The following PIKFYVE variants were observed in gnomAD, a reference collection of about 807,000 sequenced individuals.
PIKFYVE encodes phosphoinositide kinase, FYVE-type zinc finger containing.
A neutral mutation model predicts 257.9 loss-of-function variants in PIKFYVE; 122 were observed. The observed-to-expected ratio is 0.47, with a 90% CI of 0.41 to 0.55. The LOEUF is 0.55. PIKFYVE is among the 20% of genes least tolerant of loss of function. The pLI is 0.00. For synonymous variants in PIKFYVE, 892 were observed against 868.9 expected (o/e 1.03, Z -0.47); for missense variants, 2,160 against 2,536.6 (o/e 0.85, Z 3.19).
At chr2:208,291,521 T>A (rs1241884411) in intron 7 of PIKFYVE, among the ~76,000 whole-genome samples, 1 of 152,122 alleles carries the variant, frequency 6.6e-6, no homozygotes, top group African/African-American at 2.4e-5. Flanking sequence ...TGATTCTATC[T>A]TCAGGAAAAT....
intron 12 of PIKFYVE, among the ~76,000 whole-genome samples, chr2:208,311,760 T>C (rs1434174963): frequency 6.6e-6 from 1 of 152,178 alleles, no homozygotes; most frequent in African/African-American, 2.4e-5. Flanking sequence ...ATTAATTTGT[T>C]TTATAGCTTA....
intron 28 of PIKFYVE, among the ~76,000 whole-genome samples, chr2:208,337,906 A>T (rs1698316490): frequency 6.6e-6 from 1 of 152,028 alleles, no homozygotes; most frequent in Non-Finnish European, 1.5e-5. Flanking sequence ...TATTTTTAGT[A>T]GAGATGGGGT....
At chr2:208,322,908 A>G (rs1696445561) in intron 17 of PIKFYVE, among the ~76,000 whole-genome samples, 1 of 123,374 alleles carries the variant, frequency 8.1e-6, no homozygotes, top group South Asian at 2.6e-4. Context: ...AGGTGTTCTC[A>G]ATGTTGAATT....
At chr2:208,271,044 A>G (rs1689358924) in intron 1 of PIKFYVE, among the ~76,000 whole-genome samples, 1 of 152,064 alleles carries the variant, frequency 6.6e-6, no homozygotes. Context: ...TCCAAAAAAA[A>G]AAAAAAAAAG....
intron 32 of PIKFYVE, among the ~76,000 whole-genome samples, chr2:208,344,633 T>G (rs1391602986): frequency 3.3e-5 from 5 of 152,052 alleles, no homozygotes; most frequent in African/African-American, 1.2e-4. Context: ...TGCATGACAT[T>G]TATCTAAAGC....
In PIKFYVE at chr2:208,276,757, G is replaced by A. The variant is rs752955905; in HGVS notation, c.368G>A (p.Arg123His). 6.8e-6 allele frequency: 11 copies of A among 1,613,480 alleles called. No individual in the cohort carries two copies. Among genetic ancestry groups the A allele is most frequent in the East Asian group, 2.2e-5 (1 of 44,888 alleles). Residue 123 changes from arginine (R) to histidine (H), a missense_variant, in exon 4 of 42, where the codon CGT (arginine) becomes CAT (histidine). Transcript: ENST00000264380. ...AEPTFGGHDP[R>H]TAVQLRSLST... ...CCTACCTTTGGAGGTCATGACCCTC[G>A]TACAGCTGTTCAGCTTCGAAGCCTC... is the stretch of plus-strand genomic sequence containing the variant.
chr2:208,354,067 A>G lies in PIKFYVE; in HGVS notation c.6014A>G (p.Asp2005Gly), dbSNP rs1700005186. 2 of 1,613,772 alleles carry G rather than the reference A, an allele frequency of 1.2e-6. No homozygotes were observed. The highest frequency in any genetic ancestry group is 1.7e-6 in the Non-Finnish European group (2 of 1,179,930). ...KAVLRTSIHS[D>G]SHFLSSHLII... ...GTGCTGAGAACCTCGATCCATAGTG[A>G]CTCCCATTTCCTTTCTAGCCACCTC... The change falls in exon 40 of 42, where the codon GAC becomes GGC. Residue 2005 changes from aspartate (D) to glycine (G), a missense_variant. By Grantham distance (94) the Asp-to-Gly change is moderately conservative. Around this residue, in one of 12 missense-constraint regions of PIKFYVE, gnomAD observed 699 missense variants for 855.8 expected, o/e 0.82. Transcript: ENST00000264380.
Position 208,324,905 on chromosome 2 carries a change from T to C in PIKFYVE, c.2332-6T>C. The C allele has an allele frequency of 1.9e-6, 3 of 1,613,702 alleles. No individual in the cohort carries two copies. Among genetic ancestry groups the C allele is most frequent in the Non-Finnish European group, 2.5e-6 (3 of 1,179,636 alleles). On this transcript the variant is annotated splice_region_variant and splice_polypyrimidine_tract_variant and intron_variant, in intron 18 of 41. Coordinates refer to ENST00000264380, the MANE Select transcript of PIKFYVE (RefSeq NM_015040.4). Reference sequence around the variant, plus strand: ...TTTTGTAATACAATGTTTTTCTGTTTTGTAGCAAGTTTTGGAACGAATCAG... The same window carrying C: ...TTTTGTAATACAATGTTTTTCTGTTCTGTAGCAAGTTTTGGAACGAATCAG...
rs940116744 is a variant in PIKFYVE, at chr2:208,354,043, T to C, written c.5990T>C (p.Val1997Ala). 3.7e-6 allele frequency: 6 copies of C among 1,613,986 alleles called. No homozygotes were observed. The highest frequency in any genetic ancestry group is 5.1e-6 in the Non-Finnish European group (6 of 1,179,978). Residue 1997 changes from valine (V) to alanine (A), a missense_variant, in exon 40 of 42, where the codon GTG becomes GCG. Transcript: ENST00000264380. The part of the protein sequence containing the change: ...PLYIRSHSKA[V>A]LRTSIHSDSH... ...TATATTCGTTCTCATTCCAAAGCTG[T>C]GCTGAGAACCTCGATCCATAGTGAC...
At chr2:208,284,922 A>G (rs1465127143) in intron 5 of PIKFYVE, among the ~76,000 whole-genome samples, 4 of 151,864 alleles carry the variant, frequency 2.6e-5, no homozygotes, top group African/African-American at 7.3e-5. Context: ...TCCCGCCCTC[A>G]AGCAGTCCTT....
At chr2:208,346,460 G>T (rs2043719) in intron 34 of PIKFYVE, among the ~76,000 whole-genome samples, 4 of 152,218 alleles carry the variant, frequency 2.6e-5, no homozygotes, top group Non-Finnish European at 5.9e-5. Context: ...TGCAAGATAC[G>T]TTTTTTTCCT....
chr2:208,297,484 A>G (rs924388725), intron 7 of PIKFYVE, among the ~76,000 whole-genome samples: 1 of 152,180 alleles, frequency 6.6e-6, no homozygotes, highest in Admixed American at 6.5e-5. Context: ...AAATATTTTT[A>G]TCTTTATACT....
At chr2:208,312,327 T>G in intron 13 of PIKFYVE, 32 bp downstream of exon 13, 2 of 1,537,480 alleles carry the variant, frequency 1.3e-6, no homozygotes, top group African/African-American at 2.7e-5. Flanking sequence ...TGTGGAATGG[T>G]GTCTCTTTTT....
At chr2:208,320,181 A>G (rs1696048650) in intron 16 of PIKFYVE, 71 bp from the exon 17 acceptor site, 2 of 1,551,138 alleles carry the variant, frequency 1.3e-6, no homozygotes, top group Non-Finnish European at 1.7e-6. Flanking sequence ...TATAGATTTA[A>G]AGTTATAATT....
intron 12 of PIKFYVE, among the ~76,000 whole-genome samples, chr2:208,309,069 A>T (rs75457882): frequency 0.015 from 2,222 of 152,270 alleles, 65 homozygotes; most frequent in African/African-American, 0.051. Flanking sequence ...AGGATAATTA[A>T]TAATTTGATG....
intron 15 of PIKFYVE, 38 bp from the exon 16 acceptor site, chr2:208,317,829 A>G: frequency 6.6e-7 from 1 of 1,518,020 alleles, no homozygotes; most frequent in Non-Finnish European, 9.2e-7. Context: ...TAAGCATGTT[A>G]TCATTGAATT....
In PIKFYVE at chr2:208,273,740, CAG is replaced by C; in HGVS notation, c.322+8_322+9del. ...CGGCGCTCTTCAGCATTAGGTAAAA[CAG>C]TGTTCTTATTTCATTCCCTTCTATA... is the stretch of plus-strand genomic sequence containing the variant. On this transcript the variant is annotated splice_region_variant and intron_variant, in intron 3 of 41. Coordinates refer to ENST00000264380, the MANE Select transcript of PIKFYVE (RefSeq NM_015040.4). 2 of 1,614,064 alleles carry C rather than the reference CAG, an allele frequency of 1.2e-6. No homozygotes were observed. The highest frequency in any genetic ancestry group is 1.7e-6 in the Non-Finnish European group (2 of 1,179,896).
chr2:208,315,402 T>C (rs1169719185), intron 15 of PIKFYVE, 29 bp downstream of exon 15: 2 of 1,610,412 alleles, frequency 1.2e-6, no homozygotes, highest in Non-Finnish European at 1.7e-6. Flanking sequence ...TTACTAATGC[T>C]AGGAACTGAT....
chr2:208,303,576 T>C (rs949361154), intron 10 of PIKFYVE, among the ~76,000 whole-genome samples: 5 of 152,220 alleles, frequency 3.3e-5, no homozygotes, highest in African/African-American at 1.2e-4. Flanking sequence ...AACGTCTTCA[T>C]CCTCGTTTCG....
Sources: allele counts gnomAD v4.1 joint callset (sites outside exome capture counted in the v4.1 genomes callset), GRCh38; gene constraint gnomAD v4.1.1; regional missense constraint gnomAD v4.1.1; transcripts MANE v1.5; gene names NCBI Gene and HGNC (gene_info 2026-07-23, HGNC 2026-07-21).